Variants in CD2AP observed in about 807,000 individuals in gnomAD.
CD2AP encodes CD2-associated protein.
A neutral mutation model predicts 85.1 loss-of-function variants in CD2AP; 46 were observed. The observed-to-expected ratio is 0.54, with a 90% CI of 0.43 to 0.69. CD2AP has a LOEUF of 0.69. CD2AP is among the 30% of genes least tolerant of loss of function. The pLI is 0.00. For missense variants in CD2AP, 769 were observed against 729.5 expected, an observed-to-expected ratio of 1.05 and a Z score of -0.62; for synonymous variants, 255 against 252.9, an observed-to-expected ratio of 1.01 and a Z score of -0.08.
chr6:47,539,335 A>G lies in CD2AP; in HGVS notation c.320-5271A>G, dbSNP rs140814523. Among the ~76,000 whole-genome samples, 442 of 152,352 alleles carry G rather than the reference A, an allele frequency of 2.9e-3. 3 individuals are homozygous for G. The highest frequency in any genetic ancestry group is 0.01 in the African/African-American group (428 of 41,594). On this transcript the variant is annotated intron_variant, in intron 3 of 17. Coordinates refer to ENST00000359314, the MANE Select transcript of CD2AP (RefSeq NM_012120.3). ...GTACTGGGGTTGTCAAGCAGAGTAT[A>G]TTGAAGCTCTTCTTTAGGTAGGACA...
intron 5 of CD2AP, among the ~76,000 whole-genome samples, chr6:47,573,021 T>C (rs1768197586): frequency 6.6e-6 from 1 of 152,222 alleles, no homozygotes; most frequent in South Asian, 2.1e-4. Flanking sequence ...TCTAGAACTT[T>C]GTTTCTTACT....
At chr6:47,552,373 A>G (rs1767550995) in intron 4 of CD2AP, among the ~76,000 whole-genome samples, 1 of 151,774 alleles carries the variant, frequency 6.6e-6, no homozygotes, top group Non-Finnish European at 1.5e-5. Context: ...CTTAGCTCCC[A>G]CATATGAGTG....
chr6:47,503,454 G>A lies in CD2AP; in HGVS notation c.165+14G>A. On this transcript the variant is annotated intron_variant, in intron 2 of 17. Transcript: ENST00000359314. ...AATTTCGTTAAGGTAAGTATTTTCA[G>A]TTAAATTTCTAGCTCTTGCTTCATA... The A allele has an allele frequency of 6.2e-7, 1 of 1,607,362 alleles. No individual in the cohort carries two copies. Among genetic ancestry groups the A allele is most frequent in the Non-Finnish European group, 8.5e-7 (1 of 1,173,988 alleles).
intron 4 of CD2AP, among the ~76,000 whole-genome samples, chr6:47,549,500 C>T (rs573645767): frequency 6.8e-6 from 1 of 146,484 alleles, no homozygotes; most frequent in African/African-American, 2.5e-5. Context: ...TAGGAATATA[C>T]CTAACCAAGG....
intron 4 of CD2AP, among the ~76,000 whole-genome samples, chr6:47,551,819 C>T (rs1277568351): frequency 6.6e-6 from 1 of 152,144 alleles, no homozygotes; most frequent in African/African-American, 2.4e-5. Flanking sequence ...AAGACTGTAA[C>T]TGCCAATTGG....
intron 2 of CD2AP, among the ~76,000 whole-genome samples, chr6:47,514,528 G>C (rs1582500870): frequency 6.6e-6 from 1 of 152,084 alleles, no homozygotes; most frequent in African/African-American, 2.4e-5. Flanking sequence ...TTGCTACTTT[G>C]TAATTGAGAT....
intron 11 of CD2AP, among the ~76,000 whole-genome samples, chr6:47,590,367 T>C (rs1314768468): frequency 6.6e-6 from 1 of 152,060 alleles, no homozygotes; most frequent in Non-Finnish European, 1.5e-5. Flanking sequence ...CAAATGTTAA[T>C]ATATGTGTGT....
At chr6:47,599,526 G>A (rs1769058047) in intron 13 of CD2AP, 83 bp downstream of exon 13, 1 of 1,228,590 alleles carries the variant, frequency 8.1e-7, no homozygotes, top group Non-Finnish European at 1.2e-6. Flanking sequence ...TATGCAATTT[G>A]TGTGTGGATA....
At chr6:47,527,425 A>T (rs1386638946) in intron 2 of CD2AP, among the ~76,000 whole-genome samples, 1 of 152,244 alleles carries the variant, frequency 6.6e-6, no homozygotes, top group African/African-American at 2.4e-5. Flanking sequence ...TTACAAGGAG[A>T]TCAAGAATTT....
At chr6:47,488,832 A>G (rs1240654514) in intron 1 of CD2AP, among the ~76,000 whole-genome samples, 1 of 152,096 alleles carries the variant, frequency 6.6e-6, no homozygotes, top group Non-Finnish European at 1.5e-5. Flanking sequence ...TCGAGGCTAC[A>G]GCGAGCCATG....
chr6:47,599,559 C>A, intron 13 of CD2AP, 116 bp downstream of exon 13: 1 of 943,828 alleles, frequency 1.1e-6, no homozygotes, highest in Non-Finnish European at 1.6e-6. Flanking sequence ...GTTGAAATTA[C>A]ACAGTTGAAA....
chr6:47,495,965 G>T (rs1286907305), intron 1 of CD2AP, among the ~76,000 whole-genome samples: 1 of 151,998 alleles, frequency 6.6e-6, no homozygotes. Flanking sequence ...TACTGGTTCT[G>T]TTATTTTAAT....
chr6:47,580,922 C>A, intron 10 of CD2AP, 22 bp downstream of exon 10: 4 of 1,559,992 alleles, frequency 2.6e-6, no homozygotes, highest in East Asian at 4.5e-5. Context: ...GCATATTATT[C>A]AGTTTGCTAT....
At chr6:47,561,931 G>C (rs552471520) in intron 5 of CD2AP, among the ~76,000 whole-genome samples, 1 of 152,052 alleles carries the variant, frequency 6.6e-6, no homozygotes, top group Admixed American at 6.5e-5. Flanking sequence ...ACCACACCCA[G>C]CTAATTTTTT....
chr6:47,530,872 T>G (rs942935817), intron 2 of CD2AP, among the ~76,000 whole-genome samples: 9 of 152,224 alleles, frequency 5.9e-5, no homozygotes, highest in African/African-American at 2.2e-4. Context: ...CAGTGTCTTA[T>G]TTAGGTTGAC....
chr6:47,497,353 T>G, intron 1 of CD2AP, among the ~76,000 whole-genome samples: 1 of 87,056 alleles, frequency 1.1e-5, no homozygotes, highest in South Asian at 3.9e-4. Flanking sequence ...TTCCCTCCCC[T>G]TCCCCTTCCC....
In CD2AP at chr6:47,566,323, T is replaced by TATATATATATATATATATATACACACAC; in HGVS notation, c.542-7740_542-7739insTATATATATATATATATATACACACACA. ...TAGAATATATATATATATATATATA[T>TATATATATATATATATATATACACACAC]ACACATACACATATATATATATGTA... On this transcript the variant is annotated intron_variant, in intron 5 of 17. Coordinates refer to ENST00000359314, the MANE Select transcript of CD2AP (RefSeq NM_012120.3). 7.2e-3 allele frequency among the ~76,000 whole-genome samples: 774 copies of TATATATATATATATATATATACACACAC among 107,984 alleles called. 24 individuals are homozygous for TATATATATATATATATATATACACACAC. The highest frequency in any genetic ancestry group is 0.012 in the Non-Finnish European group (538 of 46,536). 70.8% of individuals were successfully genotyped at this position (107,984 alleles called of 152,430 possible). A position where few individuals can be genotyped will look rare whatever the true frequency, so the allele number is the denominator to read the frequency against.
At chr6:47,546,369 G>A (rs372786314) in intron 4 of CD2AP, among the ~76,000 whole-genome samples, 5 of 151,968 alleles carry the variant, frequency 3.3e-5, no homozygotes, top group East Asian at 1.9e-4. Context: ...ACGACCAAAC[G>A]TAAGAATAGT....
In CD2AP at chr6:47,566,344, ATG is replaced by A. The variant is rs1162308525; in HGVS notation, c.542-7718_542-7717del. 1.3e-4 allele frequency among the ~76,000 whole-genome samples: 19 copies of A among 148,020 alleles called. No individual in the cohort carries two copies. In the East Asian group the frequency reaches 3.7e-3, roughly 29 times the overall value. On this transcript the variant is annotated intron_variant, in intron 5 of 17. Transcript: ENST00000359314. ...TATATACACATACACATATATATAT[ATG>A]TATGTATGTATTTGTTTACTCATTG...
Sources: gnomAD v4.1 joint callset for allele counts (sites outside exome capture counted in the v4.1 genomes callset) on GRCh38, gnomAD v4.1.1 for gene constraint, MANE v1.5 for transcripts, NCBI Gene and HGNC (gene_info 2026-07-23, HGNC 2026-07-21) for gene names.